Variants in OOEP observed in about 807,000 individuals in gnomAD.
OOEP encodes oocyte-expressed protein homolog.
Under a neutral mutation model 13.7 loss-of-function variants are expected in OOEP, and 16 were observed. That is an observed-to-expected ratio of 1.16 (90% confidence interval 0.79 to 1.77). The LOEUF (loss-of-function observed/expected upper bound fraction) is 1.77, where lower values mean the gene tolerates loss of function less well. Ranked by LOEUF, OOEP falls within the 40% of genes most tolerant of loss-of-function variation. OOEP has a pLI of 0.00. For missense variants in OOEP, 195 were observed against 193.1 expected (o/e 1.01, Z -0.06); for synonymous variants, 89 against 77.1 (o/e 1.15, Z -0.81).
chr6:73,390,764 C>CT (rs974095613), intron 2 of OOEP, among the ~76,000 whole-genome samples: 7 of 145,018 alleles, frequency 4.8e-5, no homozygotes, highest in African/African-American at 1.3e-4. Flanking sequence ...CTTTTTTTTT[C>CT]TTTTTTTTGT....
intron 2 of OOEP, among the ~76,000 whole-genome samples, chr6:73,378,722 A>G (rs1769163937): frequency 6.6e-6 from 1 of 151,702 alleles, no homozygotes; most frequent in Non-Finnish European, 1.5e-5. Context: ...AAATTAGCCG[A>G]GCGTGGTGAC....
chr6:73,369,501 T>C, intron 1 of OOEP, 102 bp downstream of exon 1: 1 of 1,498,640 alleles, frequency 6.7e-7, no homozygotes. Flanking sequence ...ACTGCAACAC[T>C]CCTGGCTTGC....
rs560997043 is a variant in OOEP, at chr6:73,393,188, G to A, written c.25+1158C>T. ...TGCAGTGACACCATTTCGGCACTTC[G>A]GCTCACTGTAGCCTCAACCTCCCTG... On this transcript the variant is annotated intron_variant, in intron 2 of 3. Transcript: ENST00000370363. Among the ~76,000 whole-genome samples, 6 of 150,920 alleles carry A rather than the reference G, an allele frequency of 4.0e-5. No individual in the cohort carries two copies. In the South Asian group the frequency reaches 8.4e-4, roughly 21 times the overall value.
upstream of OOEP, among the ~76,000 whole-genome samples, chr6:73,371,653 G>A (rs182337261): frequency 3.1e-3 from 467 of 152,170 alleles, no homozygotes; most frequent in Non-Finnish European, 5.6e-3. Context: ...AGGAGGCTGA[G>A]GCAGGAGAAT....
chr6:73,372,826 T>A (rs1017172206), upstream of OOEP, among the ~76,000 whole-genome samples: 10 of 151,210 alleles, frequency 6.6e-5, no homozygotes, highest in Admixed American at 5.3e-4. Flanking sequence ...GAGATCAAAA[T>A]GGGAAAGCGG....
In OOEP at chr6:73,369,760, C is replaced by T. The variant is rs1317734612; in HGVS notation, c.33G>A (p.Gln11=). The T allele has an allele frequency of 4.3e-6, 7 of 1,613,914 alleles. No individual in the cohort carries two copies. The highest frequency in any genetic ancestry group is 3.3e-4 in the Middle Eastern group (2 of 6,062). Residue 11 remains glutamine (Q), a synonymous_variant, in exon 1 of 3, where the codon CAG becomes CAA. Transcript: ENST00000370359. The stretch of plus-strand genomic sequence containing the variant: ...AGTGGGCCGGAGTCTGTTTGCCCCG[C>T]TGGGACTCAGCGGCACCAGCATCAT... MVDDAGAAES[Q]RGKQTPAHSL... is the part of the protein sequence containing the mutation.
chr6:73,369,303 T>G lies in OOEP; in HGVS notation c.273A>C (p.Leu91=). 3 of 1,613,830 alleles carry G rather than the reference T, an allele frequency of 1.9e-6. No individual in the cohort carries two copies. The highest frequency in any genetic ancestry group is 8.5e-7 in the Non-Finnish European group (1 of 1,179,840). The change falls in exon 2 of 3, where the codon CTA becomes CTC. Residue 91 remains leucine, a synonymous_variant. Transcript: ENST00000370359. ...LTVDIVDSGN[L]VEITVFGRPR... ...GCCGCCCGAAAACGGTGATTTCGACTAGGTTCCCTGAGTCCACTATGTCCA... is the reference window on the plus strand; with the variant it reads ...GCCGCCCGAAAACGGTGATTTCGACGAGGTTCCCTGAGTCCACTATGTCCA...
intron 2 of OOEP, chr6:73,391,552 C>CA (rs1174040710): frequency 6.5e-6 from 1 of 154,944 alleles, no homozygotes; most frequent in Admixed American, 6.5e-5. Flanking sequence ...AGCAGGCAGA[C>CA]ACAGTCTTGG....
chr6:73,371,766 TAA>T (rs755697115), upstream of OOEP, among the ~76,000 whole-genome samples: 375 of 110,308 alleles, frequency 3.4e-3, 3 homozygotes, highest in Admixed American at 0.017. Context: ...TAAAAAAAAA[TAA>T]AAATAAAAAA....
At position 73,386,977 on chromosome 6, in the gene OOEP, G is replaced by GAAAAAAAAAAA. The variant is rs1169476638; in HGVS notation, c.25+7358_25+7368dup. 6.5e-5 allele frequency among the ~76,000 whole-genome samples: 2 copies of GAAAAAAAAAAA among 30,880 alleles called. 1 individual carries two copies. Among genetic ancestry groups the GAAAAAAAAAAA allele is most frequent in the African/African-American group, 2.8e-4 (2 of 7,236 alleles). 20.3% of individuals were successfully genotyped at this position (30,880 alleles called of 152,430 possible). A position where few individuals can be genotyped will look rare whatever the true frequency, so the allele number is the denominator to read the frequency against. On this transcript the variant is annotated intron_variant, in intron 2 of 3. Transcript: ENST00000370363. ...GAGTTAAGGGCAAAATTCCATCTCAGAAAAAAAAAAAAAAAAAAAAAAAAA... is the reference window on the plus strand; with the variant it reads ...GAGTTAAGGGCAAAATTCCATCTCAGAAAAAAAAAAAAAAAAAAAAAAAAAAAAAAAAAAAA...
intron 2 of OOEP, 148 bp from the exon 3 acceptor site, chr6:73,369,011 A>AATCT (rs1769000422): frequency 1.2e-6 from 1 of 810,638 alleles, no homozygotes; most frequent in Non-Finnish European, 2.0e-6. Flanking sequence ...GATGGGTCTG[A>AATCT]ATCTATCAGA....
At chr6:73,387,549 G>T (rs1769290900) in intron 2 of OOEP, 1 of 151,962 alleles carries the variant, frequency 6.6e-6, no homozygotes, top group Admixed American at 6.6e-5. Flanking sequence ...AATAAAATCA[G>T]TGCTGGATTA....
chr6:73,370,926 C>G (rs1327196506), upstream of OOEP, among the ~76,000 whole-genome samples: 1 of 152,094 alleles, frequency 6.6e-6, no homozygotes, highest in Non-Finnish European at 1.5e-5. Flanking sequence ...AGACCACAGG[C>G]ACCTGCCACC....
chr6:73,380,371 C>G (rs138942591), intron 2 of OOEP, among the ~76,000 whole-genome samples: 1 of 152,074 alleles, frequency 6.6e-6, no homozygotes, highest in East Asian at 1.9e-4. Flanking sequence ...TCTCAGCCTC[C>G]TGAGCAGTTA....
upstream of OOEP, among the ~76,000 whole-genome samples, chr6:73,372,718 A>C (rs1302640482): frequency 6.6e-6 from 1 of 152,088 alleles, no homozygotes; most frequent in Non-Finnish European, 1.5e-5. Context: ...GGAGAGATGC[A>C]CTGAGCCAAC....
chr6:73,374,162 TG>T (rs1005851573), upstream of OOEP, among the ~76,000 whole-genome samples: 7 of 152,176 alleles, frequency 4.6e-5, no homozygotes, highest in African/African-American at 1.4e-4. Context: ...CACTCTAGCC[TG>T]GGTGACAGAG....
At chr6:73,386,108 T>C (rs991081345) in intron 2 of OOEP, among the ~76,000 whole-genome samples, 6 of 150,864 alleles carry the variant, frequency 4.0e-5, no homozygotes, top group Admixed American at 2.0e-4. Context: ...TTTTTTTTTT[T>C]CCTGAGACAG....
chr6:73,372,908 CTTTTT>C (rs371058661), upstream of OOEP, among the ~76,000 whole-genome samples: 1 of 134,520 alleles, frequency 7.4e-6, no homozygotes, highest in African/African-American at 2.7e-5. Flanking sequence ...TTTTTCTTTC[CTTTTT>C]TTTTTTTTTT....
intron 2 of OOEP, among the ~76,000 whole-genome samples, chr6:73,375,303 G>C (rs943978562): frequency 5.3e-5 from 8 of 152,140 alleles, no homozygotes; most frequent in African/African-American, 1.7e-4. Context: ...AGATTAGTGA[G>C]CCTAGAGGGA....
Sources: gnomAD v4.1 joint callset for allele counts (sites outside exome capture counted in the v4.1 genomes callset) on GRCh38, gnomAD v4.1.1 for gene constraint, MANE v1.5 for transcripts, NCBI Gene and HGNC (gene_info 2026-07-23, HGNC 2026-07-21) for gene names.